NAGLU: variants seen among roughly 807,000 people sequenced by gnomAD.
NAGLU encodes alpha-N-acetylglucosaminidase.
NAGLU carries 34 observed loss-of-function variants against 43.4 expected under a neutral mutation model. That is an observed-to-expected ratio of 0.78 (90% CI 0.60 to 1.04). The LOEUF (loss-of-function observed/expected upper bound fraction) is 1.04. NAGLU is among the 50% of genes least tolerant of loss of function. The pLI is 0.00. For missense variants in NAGLU, 910 were observed against 993.7 expected, an observed-to-expected ratio of 0.92 and a Z score of 1.13; for synonymous variants, 425 against 437.6, an observed-to-expected ratio of 0.97 and a Z score of 0.36.
At chr17:42,538,920 G>A (rs988384753) in intron 4 of NAGLU, among the ~76,000 whole-genome samples, 165 bp downstream of exon 4, 7 of 152,142 alleles carry the variant, frequency 4.6e-5, no homozygotes, top group African/African-American at 7.2e-5. Flanking sequence ...TCAGGAGTTC[G>A]AGACCAGCCT....
rs1042714332 is a variant in NAGLU, at chr17:42,543,591, A to T, written c.1585A>T (p.Ile529Phe). The T allele has an allele frequency of 2.5e-6, 4 of 1,612,936 alleles. No homozygotes were observed. The highest frequency in any genetic ancestry group is 8.5e-7 in the Non-Finnish European group (1 of 1,180,012). ...RRPSLQMNTS[I>F]WYNRSDVFEA... ...GCCGTCCCTACAGATGAATACCAGC[A>T]TCTGGTACAACCGATCTGATGTGTT... is the stretch of plus-strand genomic sequence containing the variant. Residue 529 changes from isoleucine (I) to phenylalanine (F), a missense_variant, in exon 6 of 6, where the codon ATC (isoleucine) becomes TTC (phenylalanine). Ile to Phe is a conservative substitution (Grantham distance 21). Coordinates refer to ENST00000225927, the MANE Select transcript of NAGLU (RefSeq NM_000263.4).
At chr17:42,540,855 A>G in intron 4 of NAGLU, 95 bp from the exon 5 acceptor site, 14 of 1,576,302 alleles carry the variant, frequency 8.9e-6, no homozygotes, top group Middle Eastern at 1.7e-4. Flanking sequence ...GGCAAGAGAA[A>G]CCAGGAGCTG....
chr17:42,538,720 T>G lies in NAGLU; in HGVS notation c.729T>G (p.Pro243=), dbSNP rs941869157. The G allele has an allele frequency of 2.7e-5, 43 of 1,613,938 alleles. No homozygotes were observed. Among genetic ancestry groups the G allele is most frequent in the Non-Finnish European group, 3.6e-5 (42 of 1,180,050 alleles). ...MRSFGMTPVL[P]AFAGHVPEAV... Reference sequence around the variant, plus strand: ...CCTTCGGCATGACCCCAGTGCTGCCTGCATTCGCGGGGCATGTTCCCGAGG... The same window carrying G: ...CCTTCGGCATGACCCCAGTGCTGCCGGCATTCGCGGGGCATGTTCCCGAGG... Residue 243 remains proline, a synonymous_variant, in exon 4 of 6, where the codon CCT becomes CCG. Transcript: ENST00000225927.
Position 42,537,257 on chromosome 17 carries a change from C to G in NAGLU, c.384-141C>G, listed in dbSNP as rs1345145924. On this transcript the variant is annotated intron_variant, in intron 1 of 5. Transcript: ENST00000225927. ...GCCCCGGTACCTGGTCTCAGCTCCA[C>G]CTGGGGTGGGTCCCAGTGTGCAGCA... is the stretch of plus-strand genomic sequence containing the variant. 3 of 1,295,810 alleles carry G rather than the reference C, an allele frequency of 2.3e-6. No homozygotes were observed. In the Admixed American group the frequency reaches 5.6e-5, roughly 24 times the overall value. The allele number at this position is 1,295,810 out of a possible 1,614,324, so 80.3% of individuals were successfully genotyped here.
At position 42,543,896 on chromosome 17, in the gene NAGLU, C is replaced by G. The variant is rs1281727710; in HGVS notation, c.1890C>G (p.Val630=). 6.2e-7 allele frequency: 1 copy of G among 1,605,494 alleles called. No individual in the cohort carries two copies. Among genetic ancestry groups the G allele is most frequent in the Non-Finnish European group, 8.5e-7 (1 of 1,176,358 alleles). The change falls in exon 6 of 6, where the codon GTC becomes GTG. Residue 630 remains valine, a synonymous_variant. Transcript: ENST00000225927. ...TAGAGCAGGCCCGAGCAGCGGCAGT[C>G]AGTGAGGCCGAGGCCGATTTCTACG... ...SWLEQARAAA[V]SEAEADFYEQ... is the part of the protein sequence containing the mutation.
intron 1 of NAGLU, chr17:42,536,923 G>A: frequency 2.9e-6 from 2 of 686,772 alleles, no homozygotes; most frequent in Non-Finnish European, 4.5e-6. Context: ...CACAATTGGT[G>A]ATGAGTGAAT....
intron 5 of NAGLU, among the ~76,000 whole-genome samples, chr17:42,542,062 G>A (rs2092922900): frequency 6.6e-6 from 1 of 150,954 alleles, no homozygotes; most frequent in Non-Finnish European, 1.5e-5. Flanking sequence ...CACCACGCCC[G>A]GCAATTTTTG....
chr17:42,542,948 T>A, intron 5 of NAGLU, 80 bp from the exon 6 acceptor site: 24 of 1,586,658 alleles, frequency 1.5e-5, no homozygotes, highest in Non-Finnish European at 2.0e-5. Context: ...TAGACAGTCG[T>A]CTGTAGAGTG....
Position 42,544,052 on chromosome 17 carries a change from G to A in NAGLU, c.2046G>A (p.Leu682=). 6.2e-7 allele frequency: 1 copy of A among 1,613,510 alleles called. No homozygotes were observed. The highest frequency in any genetic ancestry group is 8.5e-7 in the Non-Finnish European group (1 of 1,179,782). ...TPRWRLFLEA[L]VDSVAQGIPF... is the part of the protein sequence containing the mutation. Reference sequence around the variant, plus strand: ...GCTGGCGGCTTTTCCTGGAGGCGCTGGTTGACAGTGTGGCCCAGGGCATCC... The same window carrying A: ...GCTGGCGGCTTTTCCTGGAGGCGCTAGTTGACAGTGTGGCCCAGGGCATCC... Residue 682 remains leucine, a synonymous_variant, in exon 6 of 6, where the codon CTG becomes CTA. Coordinates refer to ENST00000225927, the MANE Select transcript of NAGLU (RefSeq NM_000263.4).
At position 42,537,496 on chromosome 17, in the gene NAGLU, G is replaced by T; in HGVS notation, c.482G>T (p.Gly161Val). 1 of 1,614,224 alleles carries T rather than the reference G, an allele frequency of 6.2e-7. No individual in the cohort carries two copies. The highest frequency in any genetic ancestry group is 1.1e-5 in the South Asian group (1 of 91,086). ...EREIDWMALN[G>V]INLALAWSGQ... ...GAGATAGACTGGATGGCGCTGAATG[G>T]CATCAACCTGGCACTGGCCTGGAGC... The change falls in exon 2 of 6, where the codon GGC becomes GTC. Residue 161 changes from glycine (G) to valine (V), a missense_variant. Transcript: ENST00000225927.
chr17:42,541,342 C>A, intron 5 of NAGLU, 136 bp downstream of exon 5: 3 of 1,300,386 alleles, frequency 2.3e-6, no homozygotes, highest in South Asian at 2.5e-5. Flanking sequence ...TTACCAAGCA[C>A]GTGTACACAT....
intron 1 of NAGLU, chr17:42,537,015 GT>G: frequency 4.4e-6 from 2 of 450,290 alleles, no homozygotes; most frequent in Non-Finnish European, 8.2e-6. Flanking sequence ...ACAGGCCTGT[GT>G]TCCAGCGCCT....
At position 42,544,283 on chromosome 17, in the gene NAGLU, A is replaced by C; in HGVS notation, c.*45A>C. ...CCTTGTTTTCCGCTAATTCCAGGGC[A>C]GATTCCAGGGCCCAGAGCTGGACAG... On this transcript the variant is annotated 3_prime_UTR_variant, in exon 6 of 6. Coordinates refer to ENST00000225927, the MANE Select transcript of NAGLU (RefSeq NM_000263.4). The C allele has an allele frequency of 6.2e-7, 1 of 1,601,320 alleles. No homozygotes were observed. The highest frequency in any genetic ancestry group is 8.5e-7 in the Non-Finnish European group (1 of 1,179,880).
chr17:42,536,334 C>T lies in NAGLU; in HGVS notation c.62C>T (p.Ala21Val). 1 of 1,212,596 alleles carries T rather than the reference C, an allele frequency of 8.2e-7. No homozygotes were observed. Among genetic ancestry groups the T allele is most frequent in the Non-Finnish European group, 1.0e-6 (1 of 976,294 alleles). The allele number at this position is 1,212,596 out of a possible 1,614,324, so 75.1% of individuals were successfully genotyped here. A position where few individuals can be genotyped will look rare whatever the true frequency, so the allele number is the denominator to read the frequency against. The stretch of plus-strand genomic sequence containing the variant: ...CTTCTCCTGGCCGGGGCCGGGGGCG[C>T]GGCAGGCGACGAGGCCCGGGAGGCG... ...GVLLLAGAGG[A>V]AGDEAREAAA... Residue 21 changes from alanine to valine, a missense_variant, in exon 1 of 6, where the codon GCG (alanine) becomes GTG (valine). By Grantham distance (64) the Ala-to-Val change is moderately conservative. Coordinates refer to ENST00000225927, the MANE Select transcript of NAGLU (RefSeq NM_000263.4).
chr17:42,543,487 G>A lies in NAGLU; in HGVS notation c.1481G>A (p.Trp494Ter), dbSNP rs1461799623. The A allele has an allele frequency of 6.2e-7, 1 of 1,601,796 alleles. No homozygotes were observed. The highest frequency in any genetic ancestry group is 2.2e-5 in the East Asian group (1 of 44,456). ...GVSHPDAGAAWRLLLRSVYNC... is the reference protein window; with the variant it reads ...GVSHPDAGAA ...TCCCACCCGGACGCAGGGGCAGCGT[G>A]GAGGCTACTGCTCCGGAGTGTGTAC... The change falls in exon 6 of 6, where the codon TGG becomes TAG. Residue 494 changes from tryptophan to a stop codon, truncating the protein, a stop_gained. Transcript: ENST00000225927. LOFTEE classifies it low-confidence loss of function (END_TRUNC).
At position 42,536,626 on chromosome 17, in the gene NAGLU, G is replaced by C. The variant is rs745433070; in HGVS notation, c.354G>C (p.Pro118=). Residue 118 remains proline (P), a synonymous_variant, in exon 1 of 6, where the codon CCG becomes CCC. Transcript: ENST00000225927. ...LRLPRPLPAV[P]GELTEATPNR... is the part of the protein sequence containing the mutation. ...TGCCGCGGCCACTGCCAGCCGTGCC[G>C]GGGGAGCTGACCGAGGCCACGCCCA... 1 of 1,496,638 alleles carries C rather than the reference G, an allele frequency of 6.7e-7. No individual in the cohort carries two copies. The highest frequency in any genetic ancestry group is 8.8e-7 in the Non-Finnish European group (1 of 1,130,254). The allele number at this position is 1,496,638 out of a possible 1,614,324, so 92.7% of individuals were successfully genotyped here.
At chr17:42,536,711 C>T in intron 1 of NAGLU, 56 bp downstream of exon 1, 1 of 1,369,342 alleles carries the variant, frequency 7.3e-7, no homozygotes, top group Non-Finnish European at 9.4e-7. Context: ...CTCCCGGAGC[C>T]GCTGCCACCC....
At position 42,536,507 on chromosome 17, in the gene NAGLU, G is replaced by T; in HGVS notation, c.235G>T (p.Gly79Cys). The T allele has an allele frequency of 1.1e-5, 14 of 1,245,904 alleles. No homozygotes were observed. The highest frequency in any genetic ancestry group is 1.4e-5 in the Non-Finnish European group (14 of 999,458). The allele number at this position is 1,245,904 out of a possible 1,614,324, so 77.2% of individuals were successfully genotyped here. A position where few individuals can be genotyped will look rare whatever the true frequency, so the allele number is the denominator to read the frequency against. ...GGGAARVRVR[G>C]STGVAAAAGL... is the part of the protein sequence containing the mutation. ...CGGCGCGGCGCGCGTGCGGGTGCGC[G>T]GCTCCACGGGCGTGGCGGCCGCCGC... The change falls in exon 1 of 6, where the codon GGC becomes TGC. Residue 79 changes from glycine to cysteine, a missense_variant. Gly to Cys is a radical substitution (Grantham distance 159, BLOSUM62 -3). Coordinates refer to ENST00000225927, the MANE Select transcript of NAGLU (RefSeq NM_000263.4).
intron 1 of NAGLU, 46 bp downstream of exon 1, chr17:42,536,701 C>A (rs926500241): frequency 7.2e-7 from 1 of 1,386,208 alleles, no homozygotes; most frequent in Non-Finnish European, 9.4e-7. Flanking sequence ...CGCTTACCCC[C>A]TCCCGGAGCC....
Sources: allele counts gnomAD v4.1 joint callset (sites outside exome capture counted in the v4.1 genomes callset), GRCh38; gene constraint gnomAD v4.1.1; transcripts MANE v1.5; gene names NCBI Gene and HGNC (gene_info 2026-07-23, HGNC 2026-07-21).